The following PDE1A variants were observed in gnomAD, a reference collection of about 807,000 sequenced individuals.
The protein encoded by PDE1A is phosphodiesterase 1A.
Under a neutral mutation model 61.7 loss-of-function variants are expected in PDE1A, and 35 were observed. The ratio of observed to expected loss-of-function variants is 0.57; its 90% CI spans 0.43 to 0.75. The LOEUF is 0.75. Ranked by LOEUF, PDE1A falls within the 30% of genes least tolerant of loss-of-function variation. The probability of loss-of-function intolerance (pLI) is 0.00; values close to 1 mark genes in which losing one functional copy is unlikely to be tolerated. For synonymous variants in PDE1A, 232 were observed against 213.2 expected (o/e 1.09, Z -0.77); for missense variants, 597 against 630.6 (o/e 0.95, Z 0.57).
At chr2:182,309,465 TAAAAC>T (rs1018981792) in intron 1 of PDE1A, among the ~76,000 whole-genome samples, 1 of 151,806 alleles carries the variant, frequency 6.6e-6, no homozygotes, top group African/African-American at 2.4e-5. Context: ...AAAAATAAAA[TAAAAC>T]AAAACAAATA....
chr2:182,541,111 G>A, the PDE1A span, among the ~76,000 whole-genome samples: 1 of 152,152 alleles, frequency 6.6e-6, no homozygotes, highest in African/African-American at 2.4e-5. Context: ...TAAGAGGATA[G>A]AGTTCAAAAC....
At chr2:182,306,430 G>A (rs1695588538) in intron 1 of PDE1A, among the ~76,000 whole-genome samples, 1 of 151,670 alleles carries the variant, frequency 6.6e-6, no homozygotes, top group African/African-American at 2.4e-5. Flanking sequence ...TTATCCCCAT[G>A]TCATTTTTCA....
intron 2 of PDE1A, among the ~76,000 whole-genome samples, chr2:182,482,301 T>C (rs889746267): frequency 1.3e-5 from 2 of 151,956 alleles, no homozygotes; most frequent in Non-Finnish European, 1.5e-5. Flanking sequence ...TCTATCAGTA[T>C]TGAGAAAAAT....
chr2:182,195,647 A>T (rs1232563408), intron 10 of PDE1A, among the ~76,000 whole-genome samples: 3 of 152,132 alleles, frequency 2.0e-5, no homozygotes. Flanking sequence ...GGAATTTAAG[A>T]CACAGTATTT....
chr2:182,607,397 C>CT, the PDE1A span, among the ~76,000 whole-genome samples: 27 of 152,296 alleles, frequency 1.8e-4, no homozygotes, highest in African/African-American at 6.5e-4. Flanking sequence ...AGGAATAGCA[C>CT]TTTAAGTACA....
At chr2:182,709,408 A>T in the PDE1A span, among the ~76,000 whole-genome samples, 3 of 152,292 alleles carry the variant, frequency 2.0e-5, no homozygotes, top group Admixed American at 2.0e-4. Flanking sequence ...ATTTCATCCT[A>T]ATGCATGTAT....
the PDE1A span, among the ~76,000 whole-genome samples, chr2:182,602,981 T>TCACACACACA: frequency 2.2e-4 from 33 of 148,670 alleles, no homozygotes; most frequent in African/African-American, 7.3e-4. Context: ...CTAAAATACA[T>TCACACACACA]CACACACACA....
chr2:182,385,935 A>T (rs1701043064), intron 1 of PDE1A, among the ~76,000 whole-genome samples: 1 of 151,802 alleles, frequency 6.6e-6, no homozygotes, highest in Non-Finnish European at 1.5e-5. Flanking sequence ...TACTGCTGCC[A>T]TCTCGGCTCA....
chr2:182,694,685 TA>T, the PDE1A span, among the ~76,000 whole-genome samples: 1 of 151,870 alleles, frequency 6.6e-6, no homozygotes, highest in African/African-American at 2.4e-5. Context: ...GTTCATATGC[TA>T]AAAACCCAGA....
the PDE1A span, among the ~76,000 whole-genome samples, chr2:182,679,533 A>G: frequency 6.6e-6 from 1 of 151,958 alleles, no homozygotes; most frequent in South Asian, 2.1e-4. Flanking sequence ...TACGCATTGT[A>G]TACATGTATT....
intron 10 of PDE1A, among the ~76,000 whole-genome samples, chr2:182,189,837 G>A (rs1685541899): frequency 6.6e-6 from 1 of 152,064 alleles, no homozygotes; most frequent in East Asian, 1.9e-4. Context: ...GCATTAAAGG[G>A]GATGTGCTTA....
At chr2:182,318,901 T>C (rs1443764985) in intron 1 of PDE1A, among the ~76,000 whole-genome samples, 3 of 152,214 alleles carry the variant, frequency 2.0e-5, no homozygotes, top group Admixed American at 1.3e-4. Flanking sequence ...TATGTCTTAG[T>C]ATTCTCAGCA....
chr2:182,592,968 A>C, the PDE1A span, among the ~76,000 whole-genome samples: 2 of 152,184 alleles, frequency 1.3e-5, no homozygotes, highest in Non-Finnish European at 2.9e-5. Flanking sequence ...TGTGAATGCC[A>C]AGGATGGTGC....
intron 13 of PDE1A, 154 bp downstream of exon 13, chr2:182,185,737 CT>C: frequency 2.1e-6 from 3 of 1,412,386 alleles, no homozygotes; most frequent in Non-Finnish European, 2.8e-6. Flanking sequence ...AATGAGCCAA[CT>C]TTCTCATGAA....
At chr2:182,696,194 A>G in the PDE1A span, among the ~76,000 whole-genome samples, 71 of 152,362 alleles carry the variant, frequency 4.7e-4, no homozygotes, top group African/African-American at 1.7e-3. Context: ...CATAATTGCC[A>G]AAATGTGGAT....
intron 13 of PDE1A, among the ~76,000 whole-genome samples, chr2:182,158,874 GAGAA>G (rs1345555758): frequency 6.6e-6 from 1 of 151,874 alleles, no homozygotes; most frequent in East Asian, 1.9e-4. Context: ...TTTTTCTTTG[GAGAA>G]AGAACAAAAT....
At chr2:182,716,742 G>GCCCT in the PDE1A span, among the ~76,000 whole-genome samples, 117 of 152,256 alleles carry the variant, frequency 7.7e-4, no homozygotes, top group African/African-American at 2.7e-3. Flanking sequence ...ACACTTAACA[G>GCCCT]CCCTGTTCCC....
intron 2 of PDE1A, among the ~76,000 whole-genome samples, chr2:182,489,177 G>A (rs1688219743): frequency 2.0e-5 from 3 of 152,194 alleles, no homozygotes; most frequent in South Asian, 4.1e-4. Flanking sequence ...AGTGTACCAG[G>A]AAGAGCAAAG....
At chr2:182,237,022 T>G (rs1206873539) in intron 3 of PDE1A, among the ~76,000 whole-genome samples, 1 of 152,216 alleles carries the variant, frequency 6.6e-6, no homozygotes, top group Non-Finnish European at 1.5e-5. Flanking sequence ...GCATCGGAGA[T>G]ATCTTAACCC....
Sources: allele counts gnomAD v4.1 joint callset (sites outside exome capture counted in the v4.1 genomes callset), GRCh38; gene constraint gnomAD v4.1.1; transcripts MANE v1.5; gene names NCBI Gene and HGNC (gene_info 2026-07-23, HGNC 2026-07-21).